EFCAB3: variants seen among roughly 807,000 people sequenced by gnomAD.
EFCAB3 encodes EF-hand calcium-binding domain-containing protein 3.
EFCAB3 carries 36 observed loss-of-function variants against 42.2 expected under a neutral mutation model. The ratio of observed to expected loss-of-function variants is 0.85; its 90% CI spans 0.65 to 1.13. The LOEUF is 1.13. EFCAB3 is among the 50% of genes most tolerant of loss of function. The pLI is 0.00. For synonymous variants in EFCAB3, 170 were observed against 172.8 expected, an observed-to-expected ratio of 0.98 and a Z score of 0.13; for missense variants, 418 against 505.1, an observed-to-expected ratio of 0.83 and a Z score of 1.65.
At chr17:62,387,532 G>A in intron 3 of EFCAB3, 116 bp downstream of exon 3, 5 of 818,020 alleles carry the variant, frequency 6.1e-6, no homozygotes, top group Admixed American at 3.2e-5. Flanking sequence ...TCATTTGAGA[G>A]AAAGGAAAAA....
chr17:62,376,150 T>G (rs1347448891), upstream of EFCAB3, among the ~76,000 whole-genome samples: 2 of 152,208 alleles, frequency 1.3e-5, no homozygotes, highest in Non-Finnish European at 2.9e-5. Flanking sequence ...TTTCAAAGAT[T>G]CACTCAATAA....
At chr17:62,399,931 T>C (rs1190271215) in intron 6 of EFCAB3, among the ~76,000 whole-genome samples, 1 of 152,224 alleles carries the variant, frequency 6.6e-6, no homozygotes, top group African/African-American at 2.4e-5. Flanking sequence ...TTCACTGCTA[T>C]CTTCCCAGTA....
chr17:62,414,019 C>G (rs1248723159), intron 9 of EFCAB3, among the ~76,000 whole-genome samples, 165 bp downstream of exon 9: 1 of 152,256 alleles, frequency 6.6e-6, no homozygotes, highest in Non-Finnish European at 1.5e-5. Flanking sequence ...ATTTCTTTCT[C>G]TATAATCAAA....
chr17:62,410,354 T>C (rs535767574), intron 8 of EFCAB3, among the ~76,000 whole-genome samples: 28 of 152,180 alleles, frequency 1.8e-4, no homozygotes, highest in Admixed American at 3.9e-4. Context: ...AAACCCCGTC[T>C]CTACAAAAAA....
At chr17:62,394,017 C>T (rs375331393) in intron 5 of EFCAB3, among the ~76,000 whole-genome samples, 1 of 151,546 alleles carries the variant, frequency 6.6e-6, no homozygotes, top group African/African-American at 2.4e-5. Context: ...TGCAGTGGCA[C>T]GATCTTAGCT....
chr17:62,406,678 G>C lies in EFCAB3; in HGVS notation c.682+5G>C, dbSNP rs776430424. On this transcript the variant is annotated splice_donor_5th_base_variant and intron_variant, in intron 7 of 9. Coordinates refer to ENST00000305286, the MANE Select transcript of EFCAB3 (RefSeq NM_173503.4). ...AATTTCTTGAAGAGCTCAAGAGTAA[G>C]AGCCATTTGTTCTCTCTCTACTGTT... is the stretch of plus-strand genomic sequence containing the variant. 1.2e-6 allele frequency: 2 copies of C among 1,613,704 alleles called. No homozygotes were observed. The highest frequency in any genetic ancestry group is 1.7e-6 in the Non-Finnish European group (2 of 1,179,778).
At chr17:62,393,097 C>A (rs2070318360) in intron 4 of EFCAB3, among the ~76,000 whole-genome samples, 1 of 152,164 alleles carries the variant, frequency 6.6e-6, no homozygotes, top group Admixed American at 6.5e-5. Context: ...CATTCAGTGT[C>A]ACTTAAGGTG....
At chr17:62,386,537 G>A (rs181819121) in intron 2 of EFCAB3, among the ~76,000 whole-genome samples, 232 of 151,894 alleles carry the variant, frequency 1.5e-3, no homozygotes, top group African/African-American at 5.3e-3. Context: ...CCACAACAAC[G>A]TTTATACAGT....
chr17:62,394,613 G>A (rs2070333736), intron 5 of EFCAB3, among the ~76,000 whole-genome samples: 1 of 152,078 alleles, frequency 6.6e-6, no homozygotes, highest in Non-Finnish European at 1.5e-5. Flanking sequence ...AGGCTGCCTT[G>A]GAAAAGCTAA....
At chr17:62,392,163 T>C (rs888252450) in intron 4 of EFCAB3, among the ~76,000 whole-genome samples, 198 bp downstream of exon 4, 1 of 149,298 alleles carries the variant, frequency 6.7e-6, no homozygotes, top group Non-Finnish European at 1.5e-5. Context: ...TATATATATT[T>C]GTATATTATA....
At chr17:62,392,662 G>C (rs1440034723) in intron 4 of EFCAB3, among the ~76,000 whole-genome samples, 2 of 151,824 alleles carry the variant, frequency 1.3e-5, no homozygotes, top group Non-Finnish European at 2.9e-5. Flanking sequence ...GTTTGAGACG[G>C]AGTCTTGCTC....
At chr17:62,398,425 G>A (rs983833614) in intron 6 of EFCAB3, among the ~76,000 whole-genome samples, 9 of 147,872 alleles carry the variant, frequency 6.1e-5, no homozygotes, top group African/African-American at 1.3e-4. Flanking sequence ...CTGCACTCCA[G>A]CCTGGACAAC....
chr17:62,406,768 A>G, intron 7 of EFCAB3, 95 bp downstream of exon 7: 1 of 1,337,758 alleles, frequency 7.5e-7, no homozygotes, highest in Non-Finnish European at 1.0e-6. Flanking sequence ...GCATAAGAAC[A>G]GGACTGCAGC....
intron 6 of EFCAB3, among the ~76,000 whole-genome samples, chr17:62,396,292 T>C (rs970059368): frequency 4.6e-5 from 7 of 152,164 alleles, no homozygotes; most frequent in African/African-American, 1.7e-4. Context: ...CGGTGGCTCA[T>C]GCCTGTAATC....
Position 62,391,864 on chromosome 17 carries a change from G to C in EFCAB3, c.194G>C (p.Gly65Ala). 6.2e-7 allele frequency: 1 copy of C among 1,613,626 alleles called. No homozygotes were observed. Among genetic ancestry groups the C allele is most frequent in the Non-Finnish European group, 8.5e-7 (1 of 1,179,800 alleles). ...AACTTCTTCTACAAGGACAAAACTGGCTGTATTGATTTCCATGGACTGATG... is the reference window on the plus strand; with the variant it reads ...AACTTCTTCTACAAGGACAAAACTGCCTGTATTGATTTCCATGGACTGATG... ...AYNFFYKDKT[G>A]CIDFHGLMCT... Residue 65 changes from glycine to alanine, a missense_variant, in exon 4 of 10, where the codon GGC (glycine) becomes GCC (alanine). By Grantham distance (60) the Gly-to-Ala change is moderately conservative. Transcript: ENST00000305286.
At chr17:62,381,757 T>C (rs890396858) in intron 1 of EFCAB3, 3 of 388,406 alleles carry the variant, frequency 7.7e-6, no homozygotes, top group Admixed American at 2.8e-5. Flanking sequence ...CTGGACAGCG[T>C]AGGCATCGAG....
At chr17:62,405,527 T>A (rs1419737690) in intron 6 of EFCAB3, among the ~76,000 whole-genome samples, 1 of 152,244 alleles carries the variant, frequency 6.6e-6, no homozygotes, top group African/African-American at 2.4e-5. Context: ...AACACTGAGA[T>A]GTGAGAGGTT....
At chr17:62,380,716 G>T (rs1393380928) in intron 1 of EFCAB3, 103 bp downstream of exon 1, 2 of 555,408 alleles carry the variant, frequency 3.6e-6, no homozygotes, top group Non-Finnish European at 4.6e-6. Context: ...TTATTTTGAG[G>T]TATGGGGATG....
chr17:62,407,452 A>T (rs150418359), intron 8 of EFCAB3, among the ~76,000 whole-genome samples: 74 of 152,292 alleles, frequency 4.9e-4, no homozygotes, highest in African/African-American at 1.6e-3. Context: ...GAATAATAAC[A>T]ATAAAATTTT....
Sources: gnomAD v4.1 joint callset for allele counts (sites outside exome capture counted in the v4.1 genomes callset) on GRCh38, gnomAD v4.1.1 for gene constraint, MANE v1.5 for transcripts, NCBI Gene and HGNC (gene_info 2026-07-23, HGNC 2026-07-21) for gene names.